The following THRB variants were observed in gnomAD, a reference collection of about 807,000 sequenced individuals.
THRB encodes nuclear receptor subfamily 1 group A member 2.
THRB carries 12 observed loss-of-function variants against 47.8 expected under a neutral mutation model. That is an observed-to-expected ratio of 0.25 (90% CI 0.16 to 0.41). THRB has a LOEUF of 0.41. Ranked by LOEUF, THRB falls within the 10% of genes least tolerant of loss-of-function variation. The probability of loss-of-function intolerance (pLI) is 1.00; values close to 1 mark genes in which losing one functional copy is unlikely to be tolerated. For synonymous variants in THRB, 218 were observed against 212.2 expected, an observed-to-expected ratio of 1.03 and a Z score of -0.24; for missense variants, 348 against 589.2, an observed-to-expected ratio of 0.59 and a Z score of 4.24.
At chr3:24,432,154 T>G (rs1031910353) in intron 1 of THRB, among the ~76,000 whole-genome samples, 7 of 152,068 alleles carry the variant, frequency 4.6e-5, no homozygotes, top group African/African-American at 1.7e-4. Flanking sequence ...CTTCATAGCC[T>G]ACATATACGT....
At chr3:24,315,068 T>G (rs1559905890) in intron 2 of THRB, among the ~76,000 whole-genome samples, 1 of 152,198 alleles carries the variant, frequency 6.6e-6, no homozygotes, top group Non-Finnish European at 1.5e-5. Flanking sequence ...TCAGGACACA[T>G]GAGAATTACT....
chr3:24,139,915 A>G lies in THRB; in HGVS notation c.738+3586T>C, dbSNP rs79303949. ...TTTTTTGGAACAAAATGGGACATCA[A>G]CACATAAAAAATAAATAACACGTGG... On this transcript the variant is annotated intron_variant, in intron 8 of 10. Transcript: ENST00000646209. Among the ~76,000 whole-genome samples, 828 of 152,338 alleles carry G rather than the reference A, an allele frequency of 5.4e-3. 9 individuals are homozygous for G. Among genetic ancestry groups the G allele is most frequent in the African/African-American group, 0.019 (800 of 41,580 alleles).
intron 1 of THRB, among the ~76,000 whole-genome samples, chr3:24,366,396 A>G (rs2064460642): frequency 6.6e-6 from 1 of 152,100 alleles, no homozygotes; most frequent in Non-Finnish European, 1.5e-5. Flanking sequence ...GGCAGTCATG[A>G]CCAGGTGGTA....
At position 24,407,994 on chromosome 3, in the gene THRB, C is replaced by T. The variant is rs192830156; in HGVS notation, c.-260-70623G>A. On this transcript the variant is annotated intron_variant, in intron 1 of 10. Coordinates refer to ENST00000646209, the MANE Select transcript of THRB (RefSeq NM_001354712.2). Reference sequence around the variant, plus strand: ...GTCCATCTTTAAAGTTATGCCTTTTCATATGATTAAAAAGTATGCCATCTT... The same window carrying T: ...GTCCATCTTTAAAGTTATGCCTTTTTATATGATTAAAAAGTATGCCATCTT... 3.9e-3 allele frequency among the ~76,000 whole-genome samples: 592 copies of T among 151,910 alleles called. 1 individual carries two copies. Among genetic ancestry groups the T allele is most frequent in the Non-Finnish European group, 5.5e-3 (373 of 67,866 alleles).
At chr3:24,315,714 C>T (rs536049692) in intron 2 of THRB, among the ~76,000 whole-genome samples, 9 of 152,306 alleles carry the variant, frequency 5.9e-5, no homozygotes, top group African/African-American at 1.7e-4. Flanking sequence ...CATCTACATA[C>T]CCTGTTACGA....
chr3:24,208,204 C>G (rs2149813607), intron 4 of THRB, among the ~76,000 whole-genome samples: 1 of 151,820 alleles, frequency 6.6e-6, no homozygotes, highest in African/African-American at 2.4e-5. Flanking sequence ...AAAGAGGACA[C>G]AAACAAATGG....
intron 2 of THRB, among the ~76,000 whole-genome samples, chr3:24,310,665 A>G (rs545140032): frequency 7.2e-5 from 11 of 152,184 alleles, no homozygotes; most frequent in African/African-American, 2.6e-4. Flanking sequence ...ACGATTCTCA[A>G]CTAGGGGAAA....
chr3:24,305,396 T>C (rs1300657662), intron 2 of THRB, among the ~76,000 whole-genome samples: 1 of 152,184 alleles, frequency 6.6e-6, no homozygotes, highest in African/African-American at 2.4e-5. Context: ...GGGTGGTGGA[T>C]GTAGCACCAA....
intron 1 of THRB, among the ~76,000 whole-genome samples, chr3:24,484,264 A>C (rs573315824): frequency 2.6e-4 from 39 of 152,302 alleles, no homozygotes; most frequent in African/African-American, 7.5e-4. Flanking sequence ...TGTCTCAATC[A>C]CTTGAATTAA....
intron 1 of THRB, among the ~76,000 whole-genome samples, chr3:24,366,095 T>C (rs931302148): frequency 6.6e-6 from 1 of 152,204 alleles, no homozygotes; most frequent in African/African-American, 2.4e-5. Flanking sequence ...TATTTGCATA[T>C]TGAAATGCAT....
intron 2 of THRB, among the ~76,000 whole-genome samples, chr3:24,315,460 G>A (rs1559906938): frequency 6.6e-6 from 1 of 152,166 alleles, no homozygotes; most frequent in Non-Finnish European, 1.5e-5. Context: ...GGTGACTGAC[G>A]CTTGGCTGGC....
intron 1 of THRB, among the ~76,000 whole-genome samples, chr3:24,418,424 C>T (rs1308236847): frequency 6.6e-6 from 1 of 151,690 alleles, no homozygotes; most frequent in Non-Finnish European, 1.5e-5. Flanking sequence ...TTTATTTAAT[C>T]AAACTATTTG....
chr3:24,185,166 C>A (rs1025877320), intron 5 of THRB, among the ~76,000 whole-genome samples: 1 of 152,054 alleles, frequency 6.6e-6, no homozygotes, highest in Admixed American at 6.5e-5. Flanking sequence ...ATCTTGAGGA[C>A]TGGTTTAATA....
At chr3:24,281,008 A>G (rs1466662324) in intron 3 of THRB, among the ~76,000 whole-genome samples, 1 of 152,170 alleles carries the variant, frequency 6.6e-6, no homozygotes, top group African/African-American at 2.4e-5. Flanking sequence ...GTTGGAAAAC[A>G]CTCTGCAGGA....
intron 1 of THRB, among the ~76,000 whole-genome samples, chr3:24,456,396 T>G (rs147778716): frequency 6.6e-6 from 1 of 151,922 alleles, no homozygotes; most frequent in Admixed American, 6.6e-5. Context: ...TTCAATCTGT[T>G]TTGGTTGTCA....
intron 1 of THRB, among the ~76,000 whole-genome samples, chr3:24,406,860 C>T (rs2067866188): frequency 6.6e-6 from 1 of 151,780 alleles, no homozygotes; most frequent in Non-Finnish European, 1.5e-5. Context: ...GTAAGTGGGG[C>T]AACAGTGAAG....
Position 24,190,109 on chromosome 3 carries a change from G to A in THRB, c.248C>T (p.Ala83Val), listed in dbSNP as rs367980200. Residue 83 changes from alanine (A) to valine (V), a missense_variant, in exon 5 of 11, where the codon GCC becomes GTC. Physicochemically the swap from Ala to Val is moderately conservative, Grantham distance 64. Around this residue, in one of 5 missense-constraint regions of THRB, gnomAD observed 148 missense variants for 122.3 expected, o/e 1.21. Coordinates refer to ENST00000646209, the MANE Select transcript of THRB (RefSeq NM_001354712.2). ...CTTCTCCTCCGTTTGGAAGGTCTGG[G>A]CACTTGAGACACTCTGGTCGTTCAC... ...DDVNDQSVSS[A>V]QTFQTEEKKC... The A allele has an allele frequency of 1.9e-6, 3 of 1,613,892 alleles. No individual in the cohort carries two copies. The highest frequency in any genetic ancestry group is 2.7e-5 in the African/African-American group (2 of 74,894).
chr3:24,201,542 GCA>G (rs2044598748), intron 4 of THRB, among the ~76,000 whole-genome samples: 1 of 152,032 alleles, frequency 6.6e-6, no homozygotes, highest in South Asian at 2.1e-4. Flanking sequence ...TGTTCTAGGG[GCA>G]CAGTCTCCAT....
intron 1 of THRB, among the ~76,000 whole-genome samples, chr3:24,416,207 T>C (rs1270437180): frequency 1.3e-5 from 2 of 151,588 alleles, no homozygotes; most frequent in African/African-American, 4.8e-5. Flanking sequence ...CTGTAAGGAG[T>C]AGATACAACA....
Sources: gnomAD v4.1 joint callset for allele counts (sites outside exome capture counted in the v4.1 genomes callset) on GRCh38, gnomAD v4.1.1 for gene constraint, gnomAD v4.1.1 regional missense constraint, MANE v1.5 for transcripts, NCBI Gene and HGNC (gene_info 2026-07-23, HGNC 2026-07-21) for gene names.